The following C1QTNF7 variants were observed in gnomAD, a reference collection of about 807,000 sequenced individuals.
C1QTNF7 encodes the protein complement C1q tumor necrosis factor-related protein 7.
Under a neutral mutation model 19.6 loss-of-function variants are expected in C1QTNF7, and 15 were observed. The ratio of observed to expected loss-of-function variants is 0.76; its 90% CI spans 0.51 to 1.18. The LOEUF is 1.18. C1QTNF7 is among the 50% of genes most tolerant of loss of function. The probability of loss-of-function intolerance (pLI) is 0.00; values close to 1 mark genes in which losing one functional copy is unlikely to be tolerated. For missense variants in C1QTNF7, 324 were observed against 359.7 expected (o/e 0.90, Z 0.80); for synonymous variants, 142 against 137.5 (o/e 1.03, Z -0.23).
At chr4:15,421,289 A>G (rs1423915369) in intron 1 of C1QTNF7, among the ~76,000 whole-genome samples, 2 of 152,146 alleles carry the variant, frequency 1.3e-5, no homozygotes, top group Non-Finnish European at 2.9e-5. Flanking sequence ...TAATGTCACA[A>G]AGACACTCTC....
intron 1 of C1QTNF7, among the ~76,000 whole-genome samples, chr4:15,365,843 A>C (rs2109302463): frequency 6.6e-6 from 1 of 152,152 alleles, no homozygotes; most frequent in East Asian, 1.9e-4. Context: ...CTCACCCTTC[A>C]ACTAATCACT....
At chr4:15,372,554 A>G (rs1717773740) in intron 1 of C1QTNF7, among the ~76,000 whole-genome samples, 1 of 152,250 alleles carries the variant, frequency 6.6e-6, no homozygotes, top group African/African-American at 2.4e-5. Context: ...TTCTTCTTAC[A>G]GATGATAGAG....
At chr4:15,357,601 G>GTTT (rs1254704438) in intron 1 of C1QTNF7, among the ~76,000 whole-genome samples, 1 of 152,154 alleles carries the variant, frequency 6.6e-6, no homozygotes, top group East Asian at 1.9e-4. Context: ...ATTGAAAGTA[G>GTTT]TTTTTCTAAT....
chr4:15,389,940 A>G (rs1718494707), intron 1 of C1QTNF7, among the ~76,000 whole-genome samples: 1 of 152,140 alleles, frequency 6.6e-6, no homozygotes, highest in African/African-American at 2.4e-5. Flanking sequence ...TAATCCCACA[A>G]ATCAGGGTTA....
upstream of C1QTNF7, chr4:15,427,643 C>T (rs1712111661): frequency 6.6e-6 from 1 of 152,206 alleles, no homozygotes; most frequent in Non-Finnish European, 1.5e-5. Context: ...TCTAAAGGCT[C>T]TACCTCCAAA....
At chr4:15,391,457 G>T (rs1718555500) in intron 1 of C1QTNF7, among the ~76,000 whole-genome samples, 1 of 152,100 alleles carries the variant, frequency 6.6e-6, no homozygotes. Flanking sequence ...GGTCTCCAAA[G>T]GAAAATTAAG....
At chr4:15,410,362 C>T (rs1339575944) in intron 1 of C1QTNF7, among the ~76,000 whole-genome samples, 1 of 152,166 alleles carries the variant, frequency 6.6e-6, no homozygotes, top group Non-Finnish European at 1.5e-5. Flanking sequence ...TTCTGCCAGG[C>T]TGTTAACGTG....
At chr4:15,400,033 C>G (rs1213151686) in intron 1 of C1QTNF7, among the ~76,000 whole-genome samples, 1 of 152,184 alleles carries the variant, frequency 6.6e-6, no homozygotes, top group Admixed American at 6.5e-5. Context: ...AGATTTAAGC[C>G]TGGCTTCTCT....
At chr4:15,434,688 T>C (rs1712460138) in intron 1 of C1QTNF7, among the ~76,000 whole-genome samples, 1 of 152,180 alleles carries the variant, frequency 6.6e-6, no homozygotes, top group African/African-American at 2.4e-5. Flanking sequence ...CTTCAGCCTA[T>C]ATGCCAAAGT....
intron 1 of C1QTNF7, among the ~76,000 whole-genome samples, chr4:15,352,134 A>G (rs1177014155): frequency 6.6e-6 from 1 of 152,178 alleles, no homozygotes; most frequent in Non-Finnish European, 1.5e-5. Context: ...AATCTTGACC[A>G]AATATGCCCA....
At chr4:15,373,336 G>A (rs1717802131) in intron 1 of C1QTNF7, among the ~76,000 whole-genome samples, 1 of 152,190 alleles carries the variant, frequency 6.6e-6, no homozygotes, top group Admixed American at 6.5e-5. Context: ...CGAGAGCCCT[G>A]CCATTGTGAC....
chr4:15,347,279 C>T (rs1204810484), intron 1 of C1QTNF7, among the ~76,000 whole-genome samples: 6 of 152,146 alleles, frequency 3.9e-5, no homozygotes, highest in Non-Finnish European at 7.4e-5. Flanking sequence ...TTCATAAGGC[C>T]GCTCCTTCCA....
At chr4:15,370,393 C>G (rs1375211729) in intron 1 of C1QTNF7, among the ~76,000 whole-genome samples, 1 of 152,168 alleles carries the variant, frequency 6.6e-6, no homozygotes, top group Non-Finnish European at 1.5e-5. Context: ...GTAACTGACA[C>G]CAAAGAATAA....
intron 1 of C1QTNF7, among the ~76,000 whole-genome samples, chr4:15,405,254 C>T (rs540592025): frequency 2.0e-5 from 3 of 152,146 alleles, no homozygotes; most frequent in Non-Finnish European, 2.9e-5. Context: ...TGACAGCAGG[C>T]GGGCTCTACA....
intron 1 of C1QTNF7, chr4:15,340,351 G>C (rs1022550635): frequency 1.8e-6 from 2 of 1,109,898 alleles, no homozygotes; most frequent in Non-Finnish European, 2.6e-6. Flanking sequence ...ATAAATCAGA[G>C]GTTAGAAAAC....
intron 1 of C1QTNF7, among the ~76,000 whole-genome samples, chr4:15,397,260 T>G (rs996245032): frequency 1.3e-5 from 2 of 152,200 alleles, no homozygotes; most frequent in Non-Finnish European, 2.9e-5. Flanking sequence ...AACTTCCCAC[T>G]GCAGCTTCAA....
intron 1 of C1QTNF7, chr4:15,419,912 T>C (rs1408904797): frequency 6.6e-6 from 1 of 152,162 alleles, no homozygotes; most frequent in Non-Finnish European, 1.5e-5. Flanking sequence ...TTGCCAGTGG[T>C]GGGGTGGTTT....
chr4:15,357,469 T>C (rs1717185714), intron 1 of C1QTNF7, among the ~76,000 whole-genome samples: 1 of 152,194 alleles, frequency 6.6e-6, no homozygotes, highest in Admixed American at 6.5e-5. Context: ...TCTGTTACCA[T>C]GCTGTTTTGT....
At chr4:15,339,956 G>T (rs1560333687) in exon 1 of C1QTNF7, 10 of 601,594 alleles carry the variant, frequency 1.7e-5, no homozygotes, top group Non-Finnish European at 1.5e-5. Flanking sequence ...GTGGGAGGTT[G>T]TTTAAACTGA....
Sources: gnomAD v4.1 joint callset for allele counts (sites outside exome capture counted in the v4.1 genomes callset) on GRCh38, gnomAD v4.1.1 for gene constraint, MANE v1.5 for transcripts, NCBI Gene and HGNC (gene_info 2026-07-23, HGNC 2026-07-21) for gene names.